Variants in SUZ12 observed in about 807,000 individuals in gnomAD.
SUZ12 encodes SUZ12 polycomb repressive complex 2 subunit.
SUZ12 carries 17 observed loss-of-function variants against 87.3 expected under a neutral mutation model. That is an observed-to-expected ratio of 0.19 (90% CI 0.13 to 0.29). The LOEUF (loss-of-function observed/expected upper bound fraction) is 0.29, where lower values mean the gene tolerates loss of function less well. Ranked by LOEUF, SUZ12 falls within the 10% of genes least tolerant of loss-of-function variation. The probability of loss-of-function intolerance (pLI) is 1.00; values close to 1 mark genes in which losing one functional copy is unlikely to be tolerated. For synonymous variants in SUZ12, 253 were observed against 312.4 expected (o/e 0.81, Z 2.01); for missense variants, 526 against 912.2 (o/e 0.58, Z 5.45).
rs1298610204 is a variant in SUZ12 at position 31,942,905 on chromosome 17, T to A, written c.386+2419T>A. 2.0e-5 allele frequency among the ~76,000 whole-genome samples: 3 copies of A among 152,186 alleles called. No homozygotes were observed. In the South Asian group the frequency reaches 6.2e-4, roughly 32 times the overall value. ...GAATTGTGTTAAGCATTTGGTATTGTCATTATAGTTTTAGTAAAACCATCA... is the reference window on the plus strand; with the variant it reads ...GAATTGTGTTAAGCATTTGGTATTGACATTATAGTTTTAGTAAAACCATCA... On this transcript the variant is annotated intron_variant, in intron 3 of 15. Coordinates refer to ENST00000322652, the MANE Select transcript of SUZ12 (RefSeq NM_015355.4).
intron 10 of SUZ12, among the ~76,000 whole-genome samples, chr17:31,989,856 G>A (rs995995134): frequency 2.0e-5 from 3 of 150,834 alleles, no homozygotes; most frequent in Non-Finnish European, 3.0e-5. Flanking sequence ...TGATCCGCCC[G>A]CCTTGGCCTC....
chr17:31,956,419 G>T (rs556730717), intron 4 of SUZ12, among the ~76,000 whole-genome samples: 80 of 152,194 alleles, frequency 5.3e-4, no homozygotes, highest in African/African-American at 1.7e-3. Flanking sequence ...GTCTTGATCT[G>T]ACCTCGTGAT....
At chr17:31,995,797 G>A in intron 14 of SUZ12, 35 bp downstream of exon 14, 1 of 1,491,428 alleles carries the variant, frequency 6.7e-7, no homozygotes, top group East Asian at 2.4e-5. Context: ...AATTATCTTG[G>A]AATATTATTT....
chr17:31,993,419 A>T (rs913668425), intron 11 of SUZ12, 86 bp downstream of exon 11: 1 of 903,428 alleles, frequency 1.1e-6, no homozygotes, highest in African/African-American at 1.7e-5. Context: ...GTTCATTTTT[A>T]TTTTATTTAT....
chr17:31,989,756 G>A (rs916766312), intron 10 of SUZ12, among the ~76,000 whole-genome samples: 2 of 146,300 alleles, frequency 1.4e-5, no homozygotes, highest in Admixed American at 6.8e-5. Context: ...CTGCCACCAC[G>A]ACCAGCTAAT....
chr17:31,984,626 CAAG>C (rs749401319), intron 9 of SUZ12, among the ~76,000 whole-genome samples: 15 of 152,106 alleles, frequency 9.9e-5, no homozygotes, highest in Non-Finnish European at 1.6e-4. Context: ...AATTATAAAA[CAAG>C]AAAAAGATAC....
At chr17:31,979,003 G>A (rs1908920944) in intron 8 of SUZ12, among the ~76,000 whole-genome samples, 1 of 151,316 alleles carries the variant, frequency 6.6e-6, no homozygotes, top group African/African-American at 2.4e-5. Context: ...CTACTCGGGA[G>A]GCTGAGGCAG....
At chr17:31,990,471 C>G (rs975285102) in intron 10 of SUZ12, among the ~76,000 whole-genome samples, 2 of 149,132 alleles carry the variant, frequency 1.3e-5, no homozygotes, top group Non-Finnish European at 3.0e-5. Flanking sequence ...TGAAGCAATT[C>G]TCCTGCCTCA....
rs554356110 is a variant in SUZ12, at chr17:31,939,775, C to G, written c.275-511C>G. On this transcript the variant is annotated intron_variant, in intron 1 of 15. Transcript: ENST00000322652. The stretch of plus-strand genomic sequence containing the variant: ...TCCCGACCTTAGGTGATCTGCCCAC[C>G]TTGGCCTCCCAAAGTGCTGGGAATA... 2.0e-5 allele frequency among the ~76,000 whole-genome samples: 3 copies of G among 152,264 alleles called. No homozygotes were observed. In the South Asian group the frequency reaches 6.2e-4, roughly 31 times the overall value.
At chr17:31,968,587 A>T (rs1205061269) in intron 5 of SUZ12, among the ~76,000 whole-genome samples, 1 of 152,192 alleles carries the variant, frequency 6.6e-6, no homozygotes, top group African/African-American at 2.4e-5. Flanking sequence ...TTAGCAGCTA[A>T]TGTAACTTCT....
chr17:31,952,488 C>T (rs1241982116), intron 4 of SUZ12, among the ~76,000 whole-genome samples: 1 of 152,092 alleles, frequency 6.6e-6, no homozygotes. Context: ...AAATCTCTTG[C>T]CTTTGTGTAG....
intron 5 of SUZ12, among the ~76,000 whole-genome samples, chr17:31,968,224 T>A (rs1353666403): frequency 1.3e-5 from 2 of 152,062 alleles, no homozygotes; most frequent in Middle Eastern, 3.2e-3. Flanking sequence ...TGCTCTAATA[T>A]AACCATTTTT....
intron 4 of SUZ12, among the ~76,000 whole-genome samples, chr17:31,951,025 C>T (rs190630373): frequency 1.7e-3 from 256 of 152,252 alleles, no homozygotes; most frequent in African/African-American, 5.6e-3. Context: ...CGTGATCCGC[C>T]CATCTCAGCC....
chr17:31,971,232 T>G (rs1467501882), intron 5 of SUZ12, among the ~76,000 whole-genome samples: 7 of 152,178 alleles, frequency 4.6e-5, no homozygotes, highest in Non-Finnish European at 1.5e-5. Context: ...AATCCATTTT[T>G]TATCCTTTTG....
intron 4 of SUZ12, among the ~76,000 whole-genome samples, chr17:31,950,937 T>C (rs8070939): frequency 0.16 from 23,700 of 151,982 alleles, 2,067 homozygotes; most frequent in African/African-American, 0.22. Context: ...CCCGCCACCT[T>C]GCCCAGCTAA....
At chr17:31,979,251 T>G (rs1459702891) in intron 8 of SUZ12, among the ~76,000 whole-genome samples, 1 of 152,222 alleles carries the variant, frequency 6.6e-6, no homozygotes, top group Non-Finnish European at 1.5e-5. Context: ...CTATATTTTA[T>G]TTTTGTGCTG....
chr17:31,955,757 T>TA (rs1003808885), intron 4 of SUZ12, among the ~76,000 whole-genome samples: 5 of 151,616 alleles, frequency 3.3e-5, no homozygotes, highest in Non-Finnish European at 7.4e-5. Flanking sequence ...CAAAAAAACT[T>TA]ACAGTAGAGA....
At chr17:31,985,046 T>G (rs1909329053) in intron 9 of SUZ12, among the ~76,000 whole-genome samples, 2 of 151,746 alleles carry the variant, frequency 1.3e-5, no homozygotes, top group South Asian at 4.2e-4. Context: ...TCCCAGCTAC[T>G]TGGGTACTTG....
At chr17:31,988,004 C>T (rs945963334) in intron 9 of SUZ12, among the ~76,000 whole-genome samples, 2 of 151,600 alleles carry the variant, frequency 1.3e-5, no homozygotes, top group African/African-American at 4.8e-5. Context: ...CCCATGATAA[C>T]TTTGATTTCT....
Sources: gnomAD v4.1 joint callset for allele counts (sites outside exome capture counted in the v4.1 genomes callset) on GRCh38, gnomAD v4.1.1 for gene constraint, MANE v1.5 for transcripts, NCBI Gene and HGNC (gene_info 2026-07-23, HGNC 2026-07-21) for gene names.